SDK1: variants seen among roughly 807,000 people sequenced by gnomAD.
The protein encoded by SDK1 is sidekick cell adhesion molecule 1.
Under a neutral mutation model 245.5 loss-of-function variants are expected in SDK1, and 157 were observed. The ratio of observed to expected loss-of-function variants is 0.64; its 90% CI spans 0.56 to 0.73. SDK1 has a LOEUF of 0.73. SDK1 is among the 30% of genes least tolerant of loss of function. SDK1 has a pLI of 0.00. For missense variants in SDK1, 3,583 were observed against 3,002.3 expected, an observed-to-expected ratio of 1.19 and a Z score of -4.52; for synonymous variants, 1,647 against 1,278.5, an observed-to-expected ratio of 1.29 and a Z score of -6.15.
chr7:3,789,815 A>G (rs1781023310), intron 4 of SDK1, among the ~76,000 whole-genome samples: 1 of 152,100 alleles, frequency 6.6e-6, no homozygotes, highest in Non-Finnish European at 1.5e-5. Flanking sequence ...ACTTGGAGAC[A>G]CAGGAGCTGA....
intron 44 of SDK1, among the ~76,000 whole-genome samples, chr7:4,264,125 A>AGGCCGCGTAGACCTCTCCTGAGTGAGGGT (rs1788260715): frequency 3.1e-5 from 3 of 97,428 alleles, no homozygotes; most frequent in Non-Finnish European, 6.2e-5. Context: ...CTGAGTGGGG[A>AGGCCGCGTAGACCTCTCCTGAGTGAGGGT]GGCCGCGTAG....
At chr7:3,626,155 G>A (rs1460176334) in intron 2 of SDK1, among the ~76,000 whole-genome samples, 1 of 151,486 alleles carries the variant, frequency 6.6e-6, no homozygotes, top group African/African-American at 2.4e-5. Context: ...GCCCAGCCTA[G>A]TCTTGAACTC....
chr7:3,769,496 C>G (rs529352220), intron 4 of SDK1, among the ~76,000 whole-genome samples: 2 of 152,276 alleles, frequency 1.3e-5, no homozygotes, highest in East Asian at 1.9e-4. Flanking sequence ...CTCATGAGGT[C>G]AGAGTCCTTA....
intron 1 of SDK1, among the ~76,000 whole-genome samples, chr7:3,476,910 A>G (rs1192500192): frequency 6.6e-6 from 1 of 151,906 alleles, no homozygotes; most frequent in Non-Finnish European, 1.5e-5. Flanking sequence ...GGAAAGAGGA[A>G]CTCCTCTAAC....
rs958909661 is a variant in SDK1 at position 4,092,171 on chromosome 7, A to C, written c.3324+12587A>C. ...ACAGTGCCTGTCTCACGGGTGATTG[A>C]GAGAACTAGAACATGGTGTTACATT... On this transcript the variant is annotated intron_variant, in intron 22 of 44. Transcript: ENST00000404826. Among the ~76,000 whole-genome samples the C allele has an allele frequency of 2.6e-5, 4 of 152,186 alleles. No homozygotes were observed. The East Asian group carries it at 7.7e-4, about 29-fold the overall frequency.
chr7:3,465,659 C>T (rs1179544424), intron 1 of SDK1, among the ~76,000 whole-genome samples: 5 of 152,128 alleles, frequency 3.3e-5, no homozygotes, highest in Non-Finnish European at 7.4e-5. Context: ...TGGGAAATGA[C>T]AGAGGTTGGG....
rs542940274 is a variant in SDK1 at position 3,916,836 on chromosome 7, G to C, written c.848-34087G>C. Among the ~76,000 whole-genome samples, 34 of 152,058 alleles carry C rather than the reference G, an allele frequency of 2.2e-4. 1 individual carries two copies. Among genetic ancestry groups the C allele is most frequent in the African/African-American group, 8.2e-4 (34 of 41,354 alleles). On this transcript the variant is annotated intron_variant, in intron 5 of 44. Transcript: ENST00000404826. Reference sequence around the variant, plus strand: ...TAGATTATTAATTGATAGATAGATAGACAGACAGATTGTCAGGGAGATGGA... The same window carrying C: ...TAGATTATTAATTGATAGATAGATACACAGACAGATTGTCAGGGAGATGGA...
intron 1 of SDK1, among the ~76,000 whole-genome samples, chr7:3,434,486 T>G (rs552688438): frequency 1.3e-5 from 2 of 152,348 alleles, no homozygotes; most frequent in South Asian, 4.1e-4. Context: ...GTGTCATAAC[T>G]ACAGCTAACA....
At chr7:3,319,335 C>G (rs1240964493) in intron 1 of SDK1, among the ~76,000 whole-genome samples, 1 of 152,000 alleles carries the variant, frequency 6.6e-6, no homozygotes, top group Non-Finnish European at 1.5e-5. Context: ...ATTGTTGCAC[C>G]CAGAAATGCT....
At chr7:4,078,294 C>T (rs932360111) in intron 21 of SDK1, among the ~76,000 whole-genome samples, 5 of 152,114 alleles carry the variant, frequency 3.3e-5, no homozygotes, top group Non-Finnish European at 5.9e-5. Flanking sequence ...TTTGGGGACA[C>T]CATGTTCTGT....
At chr7:4,018,467 A>G (rs1244226551) in intron 17 of SDK1, among the ~76,000 whole-genome samples, 3 of 152,240 alleles carry the variant, frequency 2.0e-5, no homozygotes, top group Non-Finnish European at 4.4e-5. Context: ...CAGGACAGCC[A>G]GGAAGGACCT....
At position 4,025,518 on chromosome 7, in the gene SDK1, T is replaced by G. The variant is rs114018487; in HGVS notation, c.2602+8166T>G. Among the ~76,000 whole-genome samples, 1,420 of 152,274 alleles carry G rather than the reference T, an allele frequency of 9.3e-3. 18 individuals carry two copies. The highest frequency in any genetic ancestry group is 0.032 in the African/African-American group (1,338 of 41,540). ...CCTTCACCTGCCGCTAGAGGACATG[T>G]GGAAAAATAAACCAATCTAAGTTAC... On this transcript the variant is annotated intron_variant, in intron 17 of 44. Coordinates refer to ENST00000404826, the MANE Select transcript of SDK1 (RefSeq NM_152744.4).
chr7:3,317,422 G>A (rs561282277), intron 1 of SDK1, among the ~76,000 whole-genome samples: 1 of 151,956 alleles, frequency 6.6e-6, no homozygotes, highest in Non-Finnish European at 1.5e-5. Flanking sequence ...GACTAATTGG[G>A]GAGCAAGAAT....
intron 4 of SDK1, among the ~76,000 whole-genome samples, chr7:3,647,884 A>T (rs992889136): frequency 3.9e-5 from 6 of 152,206 alleles, no homozygotes; most frequent in African/African-American, 1.4e-4. Context: ...AGGGGAAAAA[A>T]AATGAGAACA....
At chr7:3,335,161 C>A (rs1320673242) in intron 1 of SDK1, among the ~76,000 whole-genome samples, 2 of 152,158 alleles carry the variant, frequency 1.3e-5, no homozygotes, top group Non-Finnish European at 2.9e-5. Context: ...TATCCAGTTG[C>A]CAGAGTGACA....
intron 4 of SDK1, among the ~76,000 whole-genome samples, chr7:3,642,337 A>G (rs142303749): frequency 3.3e-5 from 5 of 152,354 alleles, no homozygotes; most frequent in African/African-American, 9.6e-5. Context: ...TGCATGCCCT[A>G]AAACTAAAGC....
intron 41 of SDK1, among the ~76,000 whole-genome samples, chr7:4,234,742 T>C (rs749238231): frequency 1.4e-4 from 21 of 152,198 alleles, no homozygotes; most frequent in Non-Finnish European, 2.4e-4. Flanking sequence ...CGTGACTTTC[T>C]TTACCCCGCG....
intron 1 of SDK1, among the ~76,000 whole-genome samples, chr7:3,337,229 C>T (rs1314125621): frequency 1.3e-5 from 2 of 151,828 alleles, no homozygotes; most frequent in East Asian, 3.9e-4. Context: ...TTATTAAAAA[C>T]CAAAAAGAAA....
chr7:4,003,802 G>T (rs927652331), intron 14 of SDK1, among the ~76,000 whole-genome samples: 1 of 152,236 alleles, frequency 6.6e-6, no homozygotes, highest in Non-Finnish European at 1.5e-5. Flanking sequence ...CTTATACTCA[G>T]TGTCTAGAGA....
Sources: allele counts gnomAD v4.1 joint callset (sites outside exome capture counted in the v4.1 genomes callset), GRCh38; gene constraint gnomAD v4.1.1; transcripts MANE v1.5; gene names NCBI Gene and HGNC (gene_info 2026-07-23, HGNC 2026-07-21).